CTDP1: variants seen among roughly 807,000 people sequenced by gnomAD.
The protein encoded by CTDP1 is CTD phosphatase 1, also known as RNA polymerase II subunit A C-terminal domain phosphatase.
A neutral mutation model predicts 91.8 loss-of-function variants in CTDP1; 47 were observed. That is an observed-to-expected ratio of 0.51 (90% confidence interval 0.41 to 0.65). The LOEUF is 0.65. Among genes scored for constraint, CTDP1 ranks in the 30% least tolerant of loss-of-function variants. CTDP1 has a pLI of 0.00. For missense variants in CTDP1, 1,272 were observed against 1,373.7 expected, an observed-to-expected ratio of 0.93 and a Z score of 1.17; for synonymous variants, 656 against 598.5, an observed-to-expected ratio of 1.10 and a Z score of -1.40.
chr18:79,734,319 T>A (rs917025960), intron 11 of CTDP1, among the ~76,000 whole-genome samples: 1 of 152,254 alleles, frequency 6.6e-6, no homozygotes, highest in Non-Finnish European at 1.5e-5. Flanking sequence ...CGCAGTCACC[T>A]TTTTTGTAAA....
At position 79,679,868 on chromosome 18, in the gene CTDP1, G is replaced by T; in HGVS notation, c.-80G>T. On this transcript the variant is annotated 5_prime_UTR_variant, in exon 1 of 13. Transcript: ENST00000613122. ...AGAGGAACTACAGCGTCGCCGCCTG[G>T]GTTGTGTCGCCGCGGTAGGCGCTGC... 2.4e-6 allele frequency: 3 copies of T among 1,267,166 alleles called. No homozygotes were observed. Among genetic ancestry groups the T allele is most frequent in the Non-Finnish European group, 3.1e-6 (3 of 977,626 alleles). 78.5% of individuals were successfully genotyped at this position (1,267,166 alleles called of 1,614,324 possible).
intron 8 of CTDP1, among the ~76,000 whole-genome samples, chr18:79,717,229 G>A (rs987041422): frequency 1.3e-5 from 2 of 150,968 alleles, no homozygotes. Context: ...GGGTGCAGCC[G>A]AGTGAGGGCC....
At chr18:79,684,146 C>T (rs1423868167) in intron 1 of CTDP1, among the ~76,000 whole-genome samples, 1 of 152,196 alleles carries the variant, frequency 6.6e-6, no homozygotes, top group African/African-American at 2.4e-5. Flanking sequence ...CACTGGCCGC[C>T]GGCTGCTTGA....
At chr18:79,709,596 G>A (rs2086038972) in intron 5 of CTDP1, among the ~76,000 whole-genome samples, 1 of 152,246 alleles carries the variant, frequency 6.6e-6, no homozygotes. Context: ...CGGATGTCAT[G>A]TGAAGTGCAA....
intron 1 of CTDP1, among the ~76,000 whole-genome samples, chr18:79,694,967 T>C (rs1350179685): frequency 6.6e-6 from 1 of 152,220 alleles, no homozygotes; most frequent in African/African-American, 2.4e-5. Flanking sequence ...CTTAGTTTTT[T>C]CAGCTGTTCC....
intron 8 of CTDP1, 82 bp from the exon 9 acceptor site, chr18:79,717,453 G>A (rs2086237831): frequency 6.3e-7 from 1 of 1,588,138 alleles, no homozygotes; most frequent in Non-Finnish European, 8.6e-7. Context: ...GCCAGGTGAG[G>A]GCCCTGGTGG....
chr18:79,679,345 G>A (rs1279499989), upstream of CTDP1: 2 of 446,316 alleles, frequency 4.5e-6, no homozygotes, highest in South Asian at 1.6e-5. Flanking sequence ...CTGGGCCCGC[G>A]GCGCGCAAGG....
intron 4 of CTDP1, among the ~76,000 whole-genome samples, chr18:79,703,840 A>C (rs1029153733): frequency 6.6e-6 from 1 of 151,978 alleles, no homozygotes; most frequent in Admixed American, 6.5e-5. Context: ...TTATGTAGTT[A>C]TCATAGGTGG....
intron 1 of CTDP1, among the ~76,000 whole-genome samples, chr18:79,692,662 G>T (rs948847098): frequency 1.3e-5 from 2 of 152,136 alleles, no homozygotes; most frequent in African/African-American, 4.8e-5. Flanking sequence ...CTGGTGTCTT[G>T]CATGGGGCAG....
At chr18:79,734,056 G>A (rs536340182) in intron 11 of CTDP1, among the ~76,000 whole-genome samples, 2 of 152,186 alleles carry the variant, frequency 1.3e-5, no homozygotes, top group South Asian at 4.1e-4. Flanking sequence ...ACTTTACAAT[G>A]ATGTGCAAGT....
At chr18:79,721,697 G>C (rs2086348085) in intron 10 of CTDP1, among the ~76,000 whole-genome samples, 1 of 152,110 alleles carries the variant, frequency 6.6e-6, no homozygotes, top group South Asian at 2.1e-4. Context: ...AGGCTGCAGT[G>C]AGCTGTGATC....
At chr18:79,737,701 C>T (rs1363742065) in intron 12 of CTDP1, among the ~76,000 whole-genome samples, 1 of 152,138 alleles carries the variant, frequency 6.6e-6, no homozygotes, top group Non-Finnish European at 1.5e-5. Flanking sequence ...TGGCGGAGAC[C>T]TGCCGTGCCG....
At chr18:79,710,884 A>T (rs1435003108) in intron 6 of CTDP1, among the ~76,000 whole-genome samples, 1 of 151,920 alleles carries the variant, frequency 6.6e-6, no homozygotes, top group African/African-American at 2.4e-5. Context: ...TTAGGAATTT[A>T]ACATCCCCTT....
intron 10 of CTDP1, among the ~76,000 whole-genome samples, chr18:79,725,044 G>T (rs1271630270): frequency 1.3e-5 from 2 of 152,212 alleles, no homozygotes; most frequent in Non-Finnish European, 2.9e-5. Flanking sequence ...GGAGTTTGTT[G>T]ATTGATATGA....
At chr18:79,717,178 C>A (rs147864004) in intron 8 of CTDP1, among the ~76,000 whole-genome samples, 2 of 139,734 alleles carry the variant, frequency 1.4e-5, no homozygotes, top group East Asian at 4.4e-4. Context: ...AGGTGAGGGC[C>A]CTGGGCCCTG....
chr18:79,732,733 C>T (rs1568210521), intron 11 of CTDP1, among the ~76,000 whole-genome samples: 1 of 150,854 alleles, frequency 6.6e-6, no homozygotes, highest in African/African-American at 2.4e-5. Flanking sequence ...CCCAAAATCA[C>T]GAGACATAAG....
intron 12 of CTDP1, among the ~76,000 whole-genome samples, chr18:79,741,983 G>A (rs2122828859): frequency 6.6e-6 from 1 of 152,296 alleles, no homozygotes; most frequent in East Asian, 1.9e-4. Context: ...CTCCAAATAG[G>A]ATGAACACAA....
At chr18:79,725,316 A>G (rs2086423727) in intron 10 of CTDP1, among the ~76,000 whole-genome samples, 1 of 152,200 alleles carries the variant, frequency 6.6e-6, no homozygotes, top group South Asian at 2.1e-4. Flanking sequence ...CTCCAGCATC[A>G]CTGGTGAGAC....
chr18:79,751,388 G>C (rs1043703451), intron 12 of CTDP1, among the ~76,000 whole-genome samples: 1 of 152,136 alleles, frequency 6.6e-6, no homozygotes, highest in Non-Finnish European at 1.5e-5. Flanking sequence ...GTCATCCTAC[G>C]GCCCAGTGCC....
Sources: gnomAD v4.1 joint callset for allele counts (sites outside exome capture counted in the v4.1 genomes callset) on GRCh38, gnomAD v4.1.1 for gene constraint, MANE v1.5 for transcripts, NCBI Gene and HGNC (gene_info 2026-07-23, HGNC 2026-07-21) for gene names.